The following ARMC9 variants were observed in gnomAD, a reference collection of about 807,000 sequenced individuals.
The protein encoded by ARMC9 is lisH domain-containing protein ARMC9.
In ARMC9, 94 loss-of-function variants were observed where a neutral mutation model predicts 107.0. The ratio of observed to expected loss-of-function variants is 0.88; its 90% CI spans 0.74 to 1.04. The LOEUF is 1.04. Among genes scored for constraint, ARMC9 ranks in the 50% least tolerant of loss-of-function variants. The pLI is 0.00. For synonymous variants in ARMC9, 380 were observed against 396.9 expected, an observed-to-expected ratio of 0.96 and a Z score of 0.51; for missense variants, 942 against 1,030.1, an observed-to-expected ratio of 0.91 and a Z score of 1.17.
chr2:231,237,815 T>TG (rs2035912977), intron 8 of ARMC9, among the ~76,000 whole-genome samples: 1 of 111,468 alleles, frequency 9.0e-6, no homozygotes, highest in Non-Finnish European at 1.8e-5. Flanking sequence ...TTTTTTTTTT[T>TG]GGTCAGTCAT....
At chr2:231,365,744 A>G (rs1397726437) in intron 23 of ARMC9, among the ~76,000 whole-genome samples, 1 of 152,150 alleles carries the variant, frequency 6.6e-6, no homozygotes, top group Non-Finnish European at 1.5e-5. Flanking sequence ...TGCCATGGGC[A>G]CACACTTGGC....
At chr2:231,329,531 A>G (rs1256097049) in intron 19 of ARMC9, among the ~76,000 whole-genome samples, 2 of 151,490 alleles carry the variant, frequency 1.3e-5, no homozygotes, top group Admixed American at 1.3e-4. Context: ...CTGGTCTTGA[A>G]CTACTGACCT....
intron 2 of ARMC9, among the ~76,000 whole-genome samples, chr2:231,207,728 C>T (rs1172055217): frequency 6.6e-6 from 1 of 152,228 alleles, no homozygotes. Flanking sequence ...CCCGCCTTGG[C>T]CTCCCAAAGT....
At chr2:231,246,245 G>A (rs1052871696) in intron 9 of ARMC9, among the ~76,000 whole-genome samples, 16 of 152,170 alleles carry the variant, frequency 1.1e-4, no homozygotes, top group African/African-American at 3.9e-4. Context: ...TACATGTGCA[G>A]GTTTGTTACA....
intron 9 of ARMC9, among the ~76,000 whole-genome samples, chr2:231,248,017 A>C (rs6708809): frequency 0.27 from 40,765 of 152,114 alleles, 5,645 homozygotes; most frequent in African/African-American, 0.31. Flanking sequence ...TCGAGCTCCA[A>C]ACCCAGACTT....
chr2:231,370,217 C>T (rs1340773893), intron 24 of ARMC9, 92 bp downstream of exon 24: 5 of 1,355,474 alleles, frequency 3.7e-6, no homozygotes, highest in East Asian at 5.4e-5. Flanking sequence ...GCCCCGTGCT[C>T]CTGTGTGTAC....
At chr2:231,369,675 C>A (rs1211817682) in intron 23 of ARMC9, among the ~76,000 whole-genome samples, 1 of 151,894 alleles carries the variant, frequency 6.6e-6, no homozygotes, top group Admixed American at 6.5e-5. Flanking sequence ...TGGCTCACTG[C>A]AACCTCCTCC....
At chr2:231,221,718 C>A (rs1436853038) in intron 5 of ARMC9, among the ~76,000 whole-genome samples, 1 of 149,962 alleles carries the variant, frequency 6.7e-6, no homozygotes, top group Non-Finnish European at 1.5e-5. Context: ...CTCGACCCAG[C>A]TACTCAAGAG....
At chr2:231,256,383 T>C (rs1367658852) in intron 9 of ARMC9, 2 of 1,206,802 alleles carry the variant, frequency 1.7e-6, no homozygotes, top group African/African-American at 3.1e-5. Flanking sequence ...AGTCTGCTCC[T>C]TTTTTTTTGT....
chr2:231,356,573 C>T (rs2045352850), intron 22 of ARMC9, among the ~76,000 whole-genome samples: 1 of 152,054 alleles, frequency 6.6e-6, no homozygotes, highest in Admixed American at 6.6e-5. Context: ...GGTTGGATTC[C>T]TGTCTGAGAA....
intron 18 of ARMC9, chr2:231,294,022 T>C (rs2041198385): frequency 6.6e-6 from 1 of 152,250 alleles, no homozygotes; most frequent in Non-Finnish European, 1.5e-5. Context: ...ACCATCTTTA[T>C]TTAGATTATT....
At chr2:231,262,657 C>T in intron 12 of ARMC9, among the ~76,000 whole-genome samples, 1 of 152,078 alleles carries the variant, frequency 6.6e-6, no homozygotes, top group Non-Finnish European at 1.5e-5. Context: ...TACTCTTTAC[C>T]TCACCTCACT....
At chr2:231,261,409 C>CA (rs1241074199) in intron 11 of ARMC9, among the ~76,000 whole-genome samples, 1 of 152,248 alleles carries the variant, frequency 6.6e-6, no homozygotes, top group Non-Finnish European at 1.5e-5. Flanking sequence ...CCTCTACACT[C>CA]ATGCATGCAC....
At chr2:231,335,516 TGC>T (rs2044027269) in intron 20 of ARMC9, among the ~76,000 whole-genome samples, 1 of 152,168 alleles carries the variant, frequency 6.6e-6, no homozygotes, top group African/African-American at 2.4e-5. Context: ...TCCTCTGCTC[TGC>T]AGAGCACAGG....
chr2:231,249,175 T>A (rs12470450), intron 9 of ARMC9, among the ~76,000 whole-genome samples: 60,097 of 151,914 alleles, frequency 0.4, 13,737 homozygotes, highest in African/African-American at 0.63. Flanking sequence ...ATCCTGCTGC[T>A]GTCTCTACTT....
intron 9 of ARMC9, among the ~76,000 whole-genome samples, chr2:231,244,515 A>G (rs560268710): frequency 6.6e-6 from 1 of 152,002 alleles, no homozygotes; most frequent in Non-Finnish European, 1.5e-5. Context: ...ATGGGCCTGC[A>G]CCACCATGCC....
At chr2:231,322,901 T>C (rs989345408) in intron 19 of ARMC9, among the ~76,000 whole-genome samples, 5 of 152,188 alleles carry the variant, frequency 3.3e-5, no homozygotes, top group African/African-American at 1.2e-4. Flanking sequence ...CTTCACAAAG[T>C]AGATTTTAAA....
At chr2:231,361,868 A>G (rs965213495) in intron 23 of ARMC9, among the ~76,000 whole-genome samples, 2 of 152,204 alleles carry the variant, frequency 1.3e-5, no homozygotes, top group African/African-American at 4.8e-5. Flanking sequence ...GGAGAGAGAA[A>G]GAGGCAGGAA....
intron 9 of ARMC9, among the ~76,000 whole-genome samples, chr2:231,244,352 G>A (rs1479006489): frequency 1.3e-5 from 2 of 151,698 alleles, no homozygotes. Flanking sequence ...GCTTATATTG[G>A]AGAATGTGGA....
Sources: allele counts gnomAD v4.1 joint callset (sites outside exome capture counted in the v4.1 genomes callset), GRCh38; gene constraint gnomAD v4.1.1; transcripts MANE v1.5; gene names NCBI Gene and HGNC (gene_info 2026-07-23, HGNC 2026-07-21).